Variants in PRKG1 observed in about 807,000 individuals in gnomAD.
The protein encoded by PRKG1 is cGMP-dependent protein kinase 1.
PRKG1 carries 35 observed loss-of-function variants against 88.1 expected under a neutral mutation model. The observed-to-expected ratio is 0.40, with a 90% CI of 0.30 to 0.53. PRKG1 has a LOEUF of 0.53. PRKG1 is among the 20% of genes least tolerant of loss of function. The pLI is 0.59. For missense variants in PRKG1, 540 were observed against 839.8 expected, an observed-to-expected ratio of 0.64 and a Z score of 4.41; for synonymous variants, 303 against 292.5, an observed-to-expected ratio of 1.04 and a Z score of -0.37.
chr10:51,291,624 C>T (rs1264409100), intron 2 of PRKG1, among the ~76,000 whole-genome samples: 1 of 152,076 alleles, frequency 6.6e-6, no homozygotes, highest in Non-Finnish European at 1.5e-5. Flanking sequence ...GAAAACTGAC[C>T]CACCTAAGCC....
At chr10:51,991,601 A>T (rs1431320968) in intron 5 of PRKG1, among the ~76,000 whole-genome samples, 1 of 152,030 alleles carries the variant, frequency 6.6e-6, no homozygotes, top group Non-Finnish European at 1.5e-5. Flanking sequence ...TCATTGTTCA[A>T]TTCCCACCTA....
At chr10:51,966,701 A>G (rs528014025) in intron 5 of PRKG1, among the ~76,000 whole-genome samples, 7 of 152,150 alleles carry the variant, frequency 4.6e-5, no homozygotes, top group African/African-American at 1.7e-4. Flanking sequence ...CTCTTCACCT[A>G]TTTGTGCAAA....
chr10:51,398,890 C>G (rs1837653429), intron 2 of PRKG1, among the ~76,000 whole-genome samples: 1 of 152,144 alleles, frequency 6.6e-6, no homozygotes, highest in African/African-American at 2.4e-5. Flanking sequence ...TTCTTTCAGA[C>G]TAGAACTGAA....
intron 4 of PRKG1, among the ~76,000 whole-genome samples, chr10:51,865,438 A>G (rs1690670679): frequency 6.6e-6 from 1 of 152,120 alleles, no homozygotes; most frequent in South Asian, 2.1e-4. Context: ...TTTTGAAGGC[A>G]TTAAGCATTA....
At chr10:51,099,946 C>T (rs1227506193) in intron 1 of PRKG1, among the ~76,000 whole-genome samples, 1 of 152,040 alleles carries the variant, frequency 6.6e-6, no homozygotes, top group South Asian at 2.1e-4. Flanking sequence ...CTTAGGCTGG[C>T]GTGCAGTGGC....
Position 51,410,869 on chromosome 10 carries a change from A to G in PRKG1, c.479-56854A>G, listed in dbSNP as rs547981123. Among the ~76,000 whole-genome samples the G allele has an allele frequency of 6.6e-5, 10 of 151,790 alleles. No individual in the cohort carries two copies. The South Asian group carries it at 2.1e-3, about 31-fold the overall frequency. Reference sequence around the variant, plus strand: ...TGTAGTCAAATATATTTACATTGAAATATATTTTATATTTATATTTATTTT... The same window carrying G: ...TGTAGTCAAATATATTTACATTGAAGTATATTTTATATTTATATTTATTTT... On this transcript the variant is annotated intron_variant, in intron 2 of 17. Transcript: ENST00000373980.
At chr10:52,221,449 T>C (rs1840242645) in intron 9 of PRKG1, among the ~76,000 whole-genome samples, 2 of 152,174 alleles carry the variant, frequency 1.3e-5, no homozygotes, top group African/African-American at 4.8e-5. Flanking sequence ...CTTAGGGTTT[T>C]TTTACTACTT....
rs530762371 is a variant in PRKG1 at position 51,375,038 on chromosome 10, C to G, written c.479-92685C>G. Among the ~76,000 whole-genome samples, 6 of 152,134 alleles carry G rather than the reference C, an allele frequency of 3.9e-5. No individual in the cohort carries two copies. In the East Asian group the frequency reaches 1.2e-3, roughly 29 times the overall value. Reference sequence around the variant, plus strand: ...AGACAGCAGTTACAATATTAGGTAACGTAATCATTGATGTAACATTCCATT... The same window carrying G: ...AGACAGCAGTTACAATATTAGGTAAGGTAATCATTGATGTAACATTCCATT... On this transcript the variant is annotated intron_variant, in intron 2 of 17. Transcript: ENST00000373980.
rs775230011 is a variant in PRKG1 at position 51,153,131 on chromosome 10, A to G, written c.312-33A>G. On this transcript the variant is annotated intron_variant, in intron 1 of 17. Coordinates refer to ENST00000373980, the MANE Select transcript of PRKG1 (RefSeq NM_006258.4). ...CACAAACTATGAAAGAGCTTGTCAG[A>G]TGTGCCAGTAAATCTTCCCTCTCTT... 34 of 1,600,230 alleles carry G rather than the reference A, an allele frequency of 2.1e-5. No homozygotes were observed. The East Asian group carries it at 7.4e-4, about 35-fold the overall frequency.
At chr10:51,594,234 C>T in intron 3 of PRKG1, among the ~76,000 whole-genome samples, 1 of 151,898 alleles carries the variant, frequency 6.6e-6, no homozygotes, top group East Asian at 1.9e-4. Context: ...TTGTATATTG[C>T]TCAGGCTGAT....
chr10:52,276,974 T>G (rs1486688775), intron 12 of PRKG1, among the ~76,000 whole-genome samples: 1 of 152,172 alleles, frequency 6.6e-6, no homozygotes, highest in African/African-American at 2.4e-5. Context: ...TTTCATTTAA[T>G]TTTCAAAATC....
At chr10:51,929,115 C>G (rs573116666) in intron 5 of PRKG1, among the ~76,000 whole-genome samples, 1 of 152,162 alleles carries the variant, frequency 6.6e-6, no homozygotes, top group South Asian at 2.1e-4. Flanking sequence ...ATTAACTTGC[C>G]ATTTTACTTA....
intron 1 of PRKG1, among the ~76,000 whole-genome samples, chr10:51,144,517 G>T (rs1370472003): frequency 6.6e-6 from 1 of 152,056 alleles, no homozygotes; most frequent in Non-Finnish European, 1.5e-5. Flanking sequence ...ATTAATAGTA[G>T]TAATACTACT....
At chr10:51,671,032 C>T (rs550726386) in intron 3 of PRKG1, among the ~76,000 whole-genome samples, 1 of 151,846 alleles carries the variant, frequency 6.6e-6, no homozygotes, top group African/African-American at 2.4e-5. Flanking sequence ...ACCATTTTAT[C>T]TTATATTTTA....
intron 3 of PRKG1, among the ~76,000 whole-genome samples, chr10:51,630,416 G>T (rs1252454744): frequency 6.6e-6 from 1 of 152,110 alleles, no homozygotes; most frequent in Non-Finnish European, 1.5e-5. Flanking sequence ...TTTGACCTGG[G>T]TAGCAAAACC....
chr10:52,008,769 T>A (rs997903115), intron 5 of PRKG1, among the ~76,000 whole-genome samples: 4 of 151,996 alleles, frequency 2.6e-5, no homozygotes, highest in Admixed American at 6.6e-5. Flanking sequence ...ATGTAATAGA[T>A]ATAAAAATCC....
intron 3 of PRKG1, among the ~76,000 whole-genome samples, chr10:51,651,283 T>C (rs997416711): frequency 1.3e-5 from 2 of 152,160 alleles, no homozygotes; most frequent in Non-Finnish European, 2.9e-5. Flanking sequence ...CCACTAGTCC[T>C]TTCAATTCAT....
At chr10:51,450,244 A>AT (rs547902467) in intron 2 of PRKG1, among the ~76,000 whole-genome samples, 3 of 151,864 alleles carry the variant, frequency 2.0e-5, no homozygotes, top group African/African-American at 7.2e-5. Flanking sequence ...AAGAAACAAA[A>AT]TTTTTTTTAA....
chr10:51,433,196 A>G (rs537042971), intron 2 of PRKG1, among the ~76,000 whole-genome samples: 76 of 152,108 alleles, frequency 5.0e-4, no homozygotes, highest in Non-Finnish European at 9.4e-4. Flanking sequence ...TTTTTTTTCT[A>G]TTAATCTGAG....
Sources: allele counts gnomAD v4.1 joint callset (sites outside exome capture counted in the v4.1 genomes callset), GRCh38; gene constraint gnomAD v4.1.1; transcripts MANE v1.5; gene names NCBI Gene and HGNC (gene_info 2026-07-23, HGNC 2026-07-21).